Variants in ABCA10 observed in about 807,000 individuals in gnomAD.
ABCA10 encodes the protein ATP-binding cassette sub-family A member 10.
ABCA10 carries 169 observed loss-of-function variants against 187.5 expected under a neutral mutation model. The observed-to-expected ratio is 0.90, with a 90% CI of 0.80 to 1.02. ABCA10 has a LOEUF of 1.02. Ranked by LOEUF, ABCA10 falls within the 50% of genes least tolerant of loss-of-function variation. The probability of loss-of-function intolerance (pLI) is 0.00; values close to 1 mark genes in which losing one functional copy is unlikely to be tolerated. For missense variants in ABCA10, 1,727 were observed against 1,812.4 expected (o/e 0.95, Z 0.86); for synonymous variants, 574 against 601.8 (o/e 0.95, Z 0.68).
At chr17:69,219,893 T>C in intron 5 of ABCA10, 122 bp from the exon 6 acceptor site, 1 of 683,540 alleles carries the variant, frequency 1.5e-6, no homozygotes, top group South Asian at 2.6e-5. Context: ...GTATGAACTA[T>C]TAATATCAGA....
In ABCA10 at chr17:69,171,054, A is replaced by T. The variant is rs556901279; in HGVS notation, c.3162+3227T>A. Among the ~76,000 whole-genome samples, 6 of 152,294 alleles carry T rather than the reference A, an allele frequency of 3.9e-5. No individual in the cohort carries two copies. In the South Asian group the frequency reaches 1.2e-3, roughly 32 times the overall value. The stretch of plus-strand genomic sequence containing the variant: ...TGCATGTCTCACAAAAGTAAGTGAA[A>T]ATCTTTTGGGGATGAAAACATCCCT... On this transcript the variant is annotated intron_variant, in intron 25 of 38. Transcript: ENST00000690296.
chr17:69,195,558 T>TTC (rs2074492763), intron 11 of ABCA10, among the ~76,000 whole-genome samples: 1 of 143,058 alleles, frequency 7.0e-6, no homozygotes, highest in Admixed American at 6.9e-5. Context: ...GTTTTTCTTT[T>TTC]TTTTTTTTTT....
At chr17:69,186,933 G>A (rs184887097) in intron 19 of ABCA10, among the ~76,000 whole-genome samples, 158 of 152,154 alleles carry the variant, frequency 1.0e-3, no homozygotes, top group Non-Finnish European at 1.6e-3. Context: ...CTAGAACAAT[G>A]CCTAGTATAC....
rs1474101963 is a variant in ABCA10, at chr17:69,153,537, T to G, written c.3975A>C (p.Glu1325Asp). The stretch of plus-strand genomic sequence containing the variant: ...TAAGTTGTTCCTGGAGCTTAAGAGC[T>G]TCCACCAATCTGACAAAAAACAGTG... ...DAALSISRLV[E>D]ALKLQEQLKA... Residue 1325 changes from glutamate (E) to aspartate (D), a missense_variant, in exon 33 of 39, where the codon GAA becomes GAC. Glu to Asp is a conservative substitution (Grantham distance 45, BLOSUM62 2). Coordinates refer to ENST00000690296, the MANE Select transcript of ABCA10 (RefSeq NM_001377321.1). The G allele has an allele frequency of 6.2e-6, 10 of 1,614,018 alleles. No individual in the cohort carries two copies. The highest frequency in any genetic ancestry group is 1.6e-4 in the Middle Eastern group (1 of 6,074).
chr17:69,180,356 A>C (rs1231928790), intron 22 of ABCA10, among the ~76,000 whole-genome samples: 1 of 152,194 alleles, frequency 6.6e-6, no homozygotes, highest in Non-Finnish European at 1.5e-5. Flanking sequence ...TAAGTCAAGT[A>C]TAATTATTAC....
At chr17:69,175,157 C>T (rs1248415237) in intron 23 of ABCA10, among the ~76,000 whole-genome samples, 1 of 152,164 alleles carries the variant, frequency 6.6e-6, no homozygotes, top group Non-Finnish European at 1.5e-5. Context: ...AACAGTACCA[C>T]ATCTTCATCC....
At chr17:69,149,688 T>C (rs2074114247) in intron 37 of ABCA10, among the ~76,000 whole-genome samples, 1 of 152,162 alleles carries the variant, frequency 6.6e-6, no homozygotes, top group African/African-American at 2.4e-5. Flanking sequence ...TTCAATTCTA[T>C]GCACGGGTGT....
At chr17:69,214,649 T>C in intron 9 of ABCA10, 55 bp downstream of exon 9, 14 of 1,338,184 alleles carry the variant, frequency 1.0e-5, no homozygotes, top group Non-Finnish European at 1.4e-5. Context: ...TATTAATACA[T>C]GTTTTAAGAA....
intron 3 of ABCA10, among the ~76,000 whole-genome samples, chr17:69,223,042 A>G (rs985945202): frequency 2.8e-5 from 4 of 142,570 alleles, no homozygotes; most frequent in Non-Finnish European, 6.1e-5. Context: ...CACAATTTGA[A>G]TGAGGGGTAG....
Position 69,193,243 on chromosome 17 carries a change from C to T in ABCA10, c.1647G>A (p.Leu549=). The T allele has an allele frequency of 2.5e-6, 4 of 1,612,482 alleles. No individual in the cohort carries two copies. The highest frequency in any genetic ancestry group is 3.4e-6 in the Non-Finnish European group (4 of 1,179,540). The change falls in exon 15 of 39, where the codon TTG becomes TTA. Residue 549 remains leucine (L), a synonymous_variant. Transcript: ENST00000690296. ...GIAILGDPQV[L]LLDEPTAGLD... is the part of the protein sequence containing the mutation. ...ATCCAGCAGTTGGTTCATCTAGCAGCAAAACCTACAGAGGAGGAAACGTAT... is the reference window on the plus strand; with the variant it reads ...ATCCAGCAGTTGGTTCATCTAGCAGTAAAACCTACAGAGGAGGAAACGTAT...
At chr17:69,194,037 T>C in intron 12 of ABCA10, 48 bp from the exon 13 acceptor site, 3 of 1,466,542 alleles carry the variant, frequency 2.0e-6, no homozygotes, top group African/African-American at 1.4e-5. Context: ...GTTAATTCTA[T>C]GCAGAGTGAT....
At chr17:69,195,554 C>CTTTTTTTCTTTTTT (rs2074492323) in intron 11 of ABCA10, among the ~76,000 whole-genome samples, 1 of 102,952 alleles carries the variant, frequency 9.7e-6, no homozygotes, top group African/African-American at 4.2e-5. Context: ...TGAAGTTTTT[C>CTTTTTTTCTTTTTT]TTTTTTTTTT....
upstream of ABCA10, among the ~76,000 whole-genome samples, chr17:69,230,126 T>TTC (rs892724864): frequency 2.0e-5 from 3 of 151,274 alleles, no homozygotes; most frequent in African/African-American, 4.8e-5. Flanking sequence ...TTAGGCCCAA[T>TTC]TCTCTCTCTC....
Position 69,154,256 on chromosome 17 carries a change from G to A in ABCA10, c.3765C>T (p.Cys1255=), listed in dbSNP as rs2074155485. 6.2e-7 allele frequency: 1 copy of A among 1,611,560 alleles called. No individual in the cohort carries two copies. The highest frequency in any genetic ancestry group is 1.3e-5 in the African/African-American group (1 of 74,842). ...ATACCACTCCTGCAGTTGGCTTTGT[G>A]CACCCAGTTATCATTTTAATGGAAG... ...KSTSIKMITG[C]TKPTAGVVVL... Residue 1255 remains cysteine, a synonymous_variant, in exon 31 of 39, where the codon TGC becomes TGT. Transcript: ENST00000690296.
intron 25 of ABCA10, among the ~76,000 whole-genome samples, chr17:69,170,015 C>T (rs1050687167): frequency 7.9e-5 from 12 of 152,040 alleles, no homozygotes; most frequent in Admixed American, 2.0e-4. Flanking sequence ...TGGCCGGGCA[C>T]GGTGGTTCAA....
At chr17:69,225,697 C>A (rs2074788446) in intron 2 of ABCA10, among the ~76,000 whole-genome samples, 168 bp from the exon 3 acceptor site, 1 of 152,058 alleles carries the variant, frequency 6.6e-6, no homozygotes, top group South Asian at 2.1e-4. Context: ...GAAAAAAACA[C>A]CCTTTCAAAA....
chr17:69,214,843 G>T lies in ABCA10; in HGVS notation c.867C>A (p.His289Gln). The change falls in exon 9 of 39, where the codon CAC (histidine) becomes CAA (glutamine). Residue 289 changes from histidine (H) to glutamine (Q), a missense_variant. His to Gln is a conservative substitution (Grantham distance 24). Coordinates refer to ENST00000690296, the MANE Select transcript of ABCA10 (RefSeq NM_001377321.1). The stretch of plus-strand genomic sequence containing the variant: ...TAACACCACTTAAGTAATTATCCAG[G>T]TGTGTAATCTGAGATTTAAAAGAAA... ...AFTAGMAQIT[H>Q]LDNYLSGVIF... The T allele has an allele frequency of 6.7e-7, 1 of 1,492,710 alleles. No individual in the cohort carries two copies. Among genetic ancestry groups the T allele is most frequent in the Non-Finnish European group, 8.9e-7 (1 of 1,124,288 alleles). The allele number at this position is 1,492,710 out of a possible 1,614,324, so 92.5% of individuals were successfully genotyped here.
chr17:69,211,324 T>TATATATCATATATATACATCATATATATG (rs2074651128), intron 9 of ABCA10, among the ~76,000 whole-genome samples: 1 of 12,170 alleles, frequency 8.2e-5, no homozygotes, highest in African/African-American at 4.2e-4. Flanking sequence ...GATATATATA[T>TATATATCATATATATACATCATATATATG]ATATATATAT....
At chr17:69,186,043 A>C (rs1252996603) in intron 19 of ABCA10, among the ~76,000 whole-genome samples, 1 of 152,220 alleles carries the variant, frequency 6.6e-6, no homozygotes, top group African/African-American at 2.4e-5. Flanking sequence ...ATTGCAAGTA[A>C]AATTTTAACT....
Sources: gnomAD v4.1 joint callset for allele counts (sites outside exome capture counted in the v4.1 genomes callset) on GRCh38, gnomAD v4.1.1 for gene constraint, MANE v1.5 for transcripts, NCBI Gene and HGNC (gene_info 2026-07-23, HGNC 2026-07-21) for gene names.